NGLY1: variants seen among roughly 807,000 people sequenced by gnomAD.
NGLY1 encodes N-glycanase 1.
A neutral mutation model predicts 84.6 loss-of-function variants in NGLY1; 68 were observed. The observed-to-expected ratio is 0.80, with a 90% CI of 0.66 to 0.98. The LOEUF (loss-of-function observed/expected upper bound fraction) is 0.98, where lower values mean the gene tolerates loss of function less well. Among genes scored for constraint, NGLY1 ranks in the 50% least tolerant of loss-of-function variants. NGLY1 has a pLI of 0.00. For synonymous variants in NGLY1, 280 were observed against 275.2 expected (o/e 1.02, Z -0.17); for missense variants, 779 against 770.2 (o/e 1.01, Z -0.14).
At chr3:25,770,189 C>T (rs2125304012) in intron 2 of NGLY1, among the ~76,000 whole-genome samples, 1 of 152,256 alleles carries the variant, frequency 6.6e-6, no homozygotes, top group South Asian at 2.1e-4. Context: ...TTGCTCTTGT[C>T]ACACAAGCTG....
chr3:25,743,415 C>G (rs1448369889), intron 4 of NGLY1, among the ~76,000 whole-genome samples: 1 of 152,154 alleles, frequency 6.6e-6, no homozygotes, highest in Non-Finnish European at 1.5e-5. Context: ...AACCTCACTC[C>G]CACCTCAGGA....
intron 3 of NGLY1, among the ~76,000 whole-genome samples, chr3:25,758,594 T>A (rs944464516): frequency 6.6e-5 from 10 of 152,076 alleles, no homozygotes; most frequent in African/African-American, 2.4e-4. Flanking sequence ...AATAAATAAA[T>A]TTTTTTGAAT....
chr3:25,784,693 G>A (rs899613281), upstream of NGLY1, among the ~76,000 whole-genome samples: 1 of 152,084 alleles, frequency 6.6e-6, no homozygotes, highest in African/African-American at 2.4e-5. Flanking sequence ...CAGAATCTCC[G>A]AACAAGACCC....
chr3:25,769,062 A>T (rs1295869505), intron 2 of NGLY1, among the ~76,000 whole-genome samples: 3 of 152,164 alleles, frequency 2.0e-5, no homozygotes, highest in Admixed American at 6.5e-5. Context: ...AATCTCATTT[A>T]AAAATGAGCA....
intron 2 of NGLY1, among the ~76,000 whole-genome samples, chr3:25,769,588 T>C (rs1707789801): frequency 6.6e-6 from 1 of 152,124 alleles, no homozygotes; most frequent in Non-Finnish European, 1.5e-5. Context: ...TCTTTATACA[T>C]TCCTAGTGGG....
rs781577774 is a variant in NGLY1, at chr3:25,764,059, A to G, written c.492+7T>C. On this transcript the variant is annotated splice_region_variant and intron_variant, in intron 3 of 11. Coordinates refer to ENST00000280700, the MANE Select transcript of NGLY1 (RefSeq NM_018297.4). The stretch of plus-strand genomic sequence containing the variant: ...AACAGTTAAAGAAGGTTTAATTCTA[A>G]CATTACCGTTGAAGCAGATGGTGGA... The G allele has an allele frequency of 9.4e-5, 152 of 1,613,610 alleles. 2 individuals are homozygous for G. In the East Asian group the frequency reaches 3.4e-3, roughly 36 times the overall value.
At chr3:25,725,899 C>T (rs1411865843) in intron 10 of NGLY1, among the ~76,000 whole-genome samples, 1 of 152,140 alleles carries the variant, frequency 6.6e-6, no homozygotes, top group Admixed American at 6.5e-5. Context: ...ACCATTTACC[C>T]CCATTAATCT....
chr3:25,739,813 G>A lies in NGLY1; in HGVS notation c.659-14C>T. The A allele has an allele frequency of 6.2e-7, 1 of 1,600,624 alleles. No homozygotes were observed. The highest frequency in any genetic ancestry group is 8.5e-7 in the Non-Finnish European group (1 of 1,170,282). Reference sequence around the variant, plus strand: ...TTATATTGATACCTGAGAAATTAAGGGAGGACCAAGTAAGAGCTAAAACTG... The same window carrying A: ...TTATATTGATACCTGAGAAATTAAGAGAGGACCAAGTAAGAGCTAAAACTG... On this transcript the variant is annotated splice_polypyrimidine_tract_variant and intron_variant, in intron 4 of 11. Transcript: ENST00000280700.
Position 25,782,943 on chromosome 3 carries a change from T to A in NGLY1, c.131+317A>T, listed in dbSNP as rs1236237059. The A allele has an allele frequency of 9.7e-6, 3 of 307,704 alleles. No homozygotes were observed. In the East Asian group the frequency reaches 2.5e-4, roughly 25 times the overall value. The allele number at this position is 307,704 out of a possible 1,614,324, so 19.1% of individuals were successfully genotyped here. A position where few individuals can be genotyped will look rare whatever the true frequency, so the allele number is the denominator to read the frequency against. On this transcript the variant is annotated intron_variant, in intron 1 of 11. Coordinates refer to ENST00000280700, the MANE Select transcript of NGLY1 (RefSeq NM_018297.4). ...TTAAACGACGAGAAGAGCGGCAGTG[T>A]CTGAAGCACGCCTTCCTACCTCTCC...
At chr3:25,728,368 ACTCAAGTAT>A (rs1302212869) in intron 10 of NGLY1, among the ~76,000 whole-genome samples, 1 of 152,116 alleles carries the variant, frequency 6.6e-6, no homozygotes, top group Non-Finnish European at 1.5e-5. Context: ...ACAAGTTCCC[ACTCAAGTAT>A]CTTGGTAAAT....
At chr3:25,757,411 T>C (rs1707096372) in intron 3 of NGLY1, among the ~76,000 whole-genome samples, 1 of 152,198 alleles carries the variant, frequency 6.6e-6, no homozygotes, top group Admixed American at 6.5e-5. Flanking sequence ...CTACCCTGCC[T>C]ACCTCACAGG....
chr3:25,730,521 T>C (rs1423943618), intron 9 of NGLY1: 1 of 152,130 alleles, frequency 6.6e-6, no homozygotes, highest in Non-Finnish European at 1.5e-5. Flanking sequence ...AAGACCTAAA[T>C]AATATCCATG....
chr3:25,745,821 A>G (rs1031576277), intron 4 of NGLY1, among the ~76,000 whole-genome samples: 4 of 152,192 alleles, frequency 2.6e-5, no homozygotes, highest in Admixed American at 6.5e-5. Flanking sequence ...CAGAGTTTCA[A>G]TAGTCAATCC....
upstream of NGLY1, among the ~76,000 whole-genome samples, chr3:25,786,735 A>AT (rs1176465477): frequency 6.6e-6 from 1 of 152,194 alleles, no homozygotes; most frequent in African/African-American, 2.4e-5. Flanking sequence ...ATTTCAGATG[A>AT]TTTTTTTAAA....
At position 25,737,432 on chromosome 3, in the gene NGLY1, A is replaced by G; in HGVS notation, c.905T>C (p.Leu302Ser). 3 of 1,612,622 alleles carry G rather than the reference A, an allele frequency of 1.9e-6. No individual in the cohort carries two copies. Among genetic ancestry groups the G allele is most frequent in the Non-Finnish European group, 2.5e-6 (3 of 1,179,520 alleles). ...GCCACACCGTCCACATCTTGTTTCC[A>G]AAAGTTTCTCAGGGTTATTATATCT... is the stretch of plus-strand genomic sequence containing the variant. ...FPRYNNPEKL[L>S]ETRCGRCGEW... Residue 302 changes from leucine to serine, a missense_variant, in exon 6 of 12, where the codon TTG (leucine) becomes TCG (serine). Physicochemically the swap from Leu to Ser is moderately radical, Grantham distance 145. Transcript: ENST00000280700.
chr3:25,720,064 G>A lies in NGLY1; in HGVS notation c.1739C>T (p.Thr580Ile), dbSNP rs370212388. Residue 580 changes from threonine to isoleucine, a missense_variant, in exon 11 of 12, where the codon ACA becomes ATA. By Grantham distance (89) the Thr-to-Ile change is moderately conservative. Transcript: ENST00000280700. ...RTSSQTFQTG[T>I]VEWKLRSDTA... ...ATCAGATCGCAATTTCCATTCTACTGTTCCAGTCTGAAAAGTTTGACTACT... is the reference window on the plus strand; with the variant it reads ...ATCAGATCGCAATTTCCATTCTACTATTCCAGTCTGAAAAGTTTGACTACT... 16 of 1,613,724 alleles carry A rather than the reference G, an allele frequency of 9.9e-6. 1 individual carries two copies. The South Asian group carries it at 1.8e-4, about 18-fold the overall frequency.
At chr3:25,726,301 T>C (rs550127511) in intron 10 of NGLY1, among the ~76,000 whole-genome samples, 253 of 152,296 alleles carry the variant, frequency 1.7e-3, no homozygotes, top group Non-Finnish European at 3.1e-3. Context: ...ATATGAATAC[T>C]GAGAGTACAA....
At chr3:25,735,877 A>T in intron 7 of NGLY1, 127 bp downstream of exon 7, 1 of 845,268 alleles carries the variant, frequency 1.2e-6, no homozygotes, top group South Asian at 2.2e-5. Flanking sequence ...TACAAATAAA[A>T]CTTATCAAAC....
At chr3:25,780,784 ATTTT>A (rs796375203) in intron 1 of NGLY1, among the ~76,000 whole-genome samples, 4 of 144,460 alleles carry the variant, frequency 2.8e-5, no homozygotes, top group Admixed American at 6.9e-5. Flanking sequence ...ACGCCTGGCT[ATTTT>A]TTTTTTTTAT....
Sources: gnomAD v4.1 joint callset for allele counts (sites outside exome capture counted in the v4.1 genomes callset) on GRCh38, gnomAD v4.1.1 for gene constraint, MANE v1.5 for transcripts, NCBI Gene and HGNC (gene_info 2026-07-23, HGNC 2026-07-21) for gene names.